The following KDM5A variants were observed in gnomAD, a reference collection of about 807,000 sequenced individuals.
KDM5A encodes the protein lysine demethylase 5A.
Under a neutral mutation model 193.5 loss-of-function variants are expected in KDM5A, and 42 were observed. The ratio of observed to expected loss-of-function variants is 0.22; its 90% CI spans 0.17 to 0.28. The LOEUF is 0.28. Ranked by LOEUF, KDM5A falls within the 10% of genes least tolerant of loss-of-function variation. The pLI, the probability that KDM5A is intolerant of heterozygous loss-of-function variation, is 1.00. For synonymous variants in KDM5A, 796 were observed against 718.1 expected (o/e 1.11, Z -1.73); for missense variants, 1,692 against 2,055.1 (o/e 0.82, Z 3.42).
intron 20 of KDM5A, among the ~76,000 whole-genome samples, chr12:312,073 G>A (rs1263273696): frequency 1.3e-5 from 2 of 152,180 alleles, no homozygotes; most frequent in African/African-American, 2.4e-5. Flanking sequence ...GTTCCGTTTG[G>A]GGGCAGCAGT....
chr12:334,582 C>T (rs7133219), intron 10 of KDM5A, among the ~76,000 whole-genome samples, 160 bp from the exon 11 acceptor site: 11 of 152,176 alleles, frequency 7.2e-5, no homozygotes, highest in Admixed American at 4.6e-4. Flanking sequence ...ACTCATATAA[C>T]TAAACATTTA....
At chr12:293,227 ACT>A in intron 26 of KDM5A, 58 bp from the exon 27 acceptor site, 2 of 1,431,000 alleles carry the variant, frequency 1.4e-6, no homozygotes, top group East Asian at 4.6e-5. Flanking sequence ...AAACAGTATT[ACT>A]CTCTTATATG....
chr12:293,234 T>C (rs778090875), intron 26 of KDM5A, 65 bp from the exon 27 acceptor site: 77 of 1,352,310 alleles, frequency 5.7e-5, no homozygotes, highest in Non-Finnish European at 7.6e-5. Flanking sequence ...ATTACTCTCT[T>C]ATATGAGGTA....
In KDM5A at chr12:352,130, A is replaced by AAC. The variant is rs372715257; in HGVS notation, c.1149+74_1149+75insGT. ...AAAAAAAAAAAAAAAAAAAAAAAAA[A>AAC]GAGGAAACTGAAGGCTTTGTACTCA... is the stretch of plus-strand genomic sequence containing the variant. On this transcript the variant is annotated intron_variant, in intron 9 of 27. Transcript: ENST00000399788. 6.8e-6 allele frequency: 5 copies of AAC among 737,166 alleles called. No individual in the cohort carries two copies. In the African/African-American group the frequency reaches 9.6e-5, roughly 14 times the overall value. 45.7% of individuals were successfully genotyped at this position (737,166 alleles called of 1,614,324 possible). A position where few individuals can be genotyped will look rare whatever the true frequency, so the allele number is the denominator to read the frequency against.
At chr12:288,468 T>C (rs1048348834) in intron 27 of KDM5A, among the ~76,000 whole-genome samples, 6 of 152,214 alleles carry the variant, frequency 3.9e-5, no homozygotes, top group African/African-American at 1.4e-4. Context: ...AAAAGAAATA[T>C]ATTAAAAAGA....
intron 10 of KDM5A, among the ~76,000 whole-genome samples, chr12:339,607 G>C (rs1213693829): frequency 6.6e-6 from 1 of 152,112 alleles, no homozygotes; most frequent in East Asian, 1.9e-4. Flanking sequence ...TTTAAACTTA[G>C]GACATTTAGC....
chr12:350,146 T>C (rs1370545700), intron 10 of KDM5A, among the ~76,000 whole-genome samples: 3 of 150,346 alleles, frequency 2.0e-5, no homozygotes, highest in Admixed American at 6.6e-5. Context: ...AAAAAAATGC[T>C]GAGTTAATGG....
intron 3 of KDM5A, among the ~76,000 whole-genome samples, chr12:370,704 G>A (rs1051420227): frequency 2.0e-5 from 3 of 151,990 alleles, no homozygotes; most frequent in Admixed American, 1.3e-4. Flanking sequence ...CCACGTTGGT[G>A]TGCTGCACAC....
At chr12:340,716 A>AC (rs1943994340) in intron 10 of KDM5A, among the ~76,000 whole-genome samples, 5 of 150,682 alleles carry the variant, frequency 3.3e-5, no homozygotes, top group Admixed American at 2.6e-4. Context: ...AAAAAAAAAA[A>AC]AAACCATTAG....
rs1367036611 is a variant in KDM5A, at chr12:283,517, T to C, written c.*1939A>G. 1 of 232,920 alleles carries C rather than the reference T, an allele frequency of 4.3e-6. No homozygotes were observed. Among genetic ancestry groups the C allele is most frequent in the African/African-American group, 2.2e-5 (1 of 45,302 alleles). 14.4% of individuals were successfully genotyped at this position (232,920 alleles called of 1,614,324 possible). On this transcript the variant is annotated 3_prime_UTR_variant, in exon 28 of 28. Coordinates refer to ENST00000399788, the MANE Select transcript of KDM5A (RefSeq NM_001042603.3). ...GGTAGTATGAACTTCAGAGAAAACA[T>C]TTACAGAAATTGGATTTTATAAGAA...
intron 27 of KDM5A, chr12:286,054 CAAT>C (rs1943216681): frequency 2.4e-6 from 1 of 419,348 alleles, no homozygotes; most frequent in South Asian, 2.0e-5. Context: ...AAGAGTACAA[CAAT>C]GTGAAGGCAA....
At chr12:345,934 CAGAG>C (rs1408474055) in intron 10 of KDM5A, among the ~76,000 whole-genome samples, 1 of 147,558 alleles carries the variant, frequency 6.8e-6, no homozygotes, top group Non-Finnish European at 1.5e-5. Flanking sequence ...AACTGAAAGA[CAGAG>C]AGACACAAAA....
rs894250053 is a variant in KDM5A, at chr12:283,687, T to C, written c.*1769A>G. On this transcript the variant is annotated 3_prime_UTR_variant, in exon 28 of 28. Coordinates refer to ENST00000399788, the MANE Select transcript of KDM5A (RefSeq NM_001042603.3). ...AAAAAGGGAAGAGGAAACTATAAGC[T>C]GTTGCTAGGTCCACCCCAATCCCCC... 4.3e-6 allele frequency: 1 copy of C among 233,226 alleles called. No homozygotes were observed. Among genetic ancestry groups the C allele is most frequent in the African/African-American group, 2.2e-5 (1 of 45,310 alleles). 14.4% of individuals were successfully genotyped at this position (233,226 alleles called of 1,614,324 possible).
At chr12:303,926 T>C (rs1943474502) in intron 24 of KDM5A, among the ~76,000 whole-genome samples, 2 of 152,238 alleles carry the variant, frequency 1.3e-5, no homozygotes, top group Admixed American at 6.5e-5. Context: ...AAAGGAAGTA[T>C]AGTAGCAGGT....
chr12:347,835 T>A (rs1248409048), intron 10 of KDM5A, among the ~76,000 whole-genome samples: 4 of 152,170 alleles, frequency 2.6e-5, no homozygotes, highest in Non-Finnish European at 2.9e-5. Context: ...GGCAATACCA[T>A]TCAGGACACA....
intron 22 of KDM5A, among the ~76,000 whole-genome samples, chr12:308,944 A>G (rs547159960): frequency 6.6e-6 from 1 of 152,362 alleles, no homozygotes; most frequent in Non-Finnish European, 1.5e-5. Context: ...AACACTCATT[A>G]AGAGATGGAA....
Position 362,931 on chromosome 12 carries a change from T to C in KDM5A, c.672+32A>G, listed in dbSNP as rs117033724. On this transcript the variant is annotated intron_variant, in intron 5 of 27. Transcript: ENST00000399788. ...AACATCAGGAGACTACATCTTTATT[T>C]AAAAATTTAAAAAAGCCCAAGACAT... The C allele has an allele frequency of 2.1e-3, 3,361 of 1,609,190 alleles. 5 individuals are homozygous for C. The highest frequency in any genetic ancestry group is 2.8e-3 in the Admixed American group (167 of 60,000).
At position 307,783 on chromosome 12, in the gene KDM5A, A is replaced by G; in HGVS notation, c.3601T>C (p.Ser1201Pro). The G allele has an allele frequency of 6.2e-7, 1 of 1,614,144 alleles. No individual in the cohort carries two copies. Among genetic ancestry groups the G allele is most frequent in the Non-Finnish European group, 8.5e-7 (1 of 1,180,022 alleles). ...LPKSSSQKKG[S>P]SWQAKEVKFL... ...TTTACTTCTTTAGCTTGCCAGCTGG[A>G]TCCTTTTTTTTGGGAACTTGATTTA... is the stretch of plus-strand genomic sequence containing the variant. Residue 1201 changes from serine (S) to proline (P), a missense_variant, in exon 23 of 28, where the codon TCC becomes CCC. Coordinates refer to ENST00000399788, the MANE Select transcript of KDM5A (RefSeq NM_001042603.3). This position sits in a 1 kb window ranked among gnomAD's most constrained non-coding sequence, Gnocchi z 4.3.
At chr12:340,523 G>T (rs527545819) in intron 10 of KDM5A, among the ~76,000 whole-genome samples, 13 of 151,996 alleles carry the variant, frequency 8.6e-5, no homozygotes, top group African/African-American at 3.1e-4. Flanking sequence ...GTGAAACCCT[G>T]TCTCTACTAA....
Sources: allele counts gnomAD v4.1 joint callset (sites outside exome capture counted in the v4.1 genomes callset), GRCh38; gene constraint gnomAD v4.1.1; non-coding constraint Gnocchi (gnomAD v3.1); transcripts MANE v1.5; gene names NCBI Gene and HGNC (gene_info 2026-07-23, HGNC 2026-07-21).